The following MANBA variants were observed in gnomAD, a reference collection of about 807,000 sequenced individuals.
The protein encoded by MANBA is beta-mannosidase.
A neutral mutation model predicts 111.1 loss-of-function variants in MANBA; 83 were observed. That is an observed-to-expected ratio of 0.75 (90% CI 0.63 to 0.90). The LOEUF is 0.90. Ranked by LOEUF, MANBA falls within the 40% of genes least tolerant of loss-of-function variation. The probability of loss-of-function intolerance (pLI) is 0.00; values close to 1 mark genes in which losing one functional copy is unlikely to be tolerated. For missense variants in MANBA, 1,036 were observed against 1,069.0 expected (o/e 0.97, Z 0.43); for synonymous variants, 370 against 378.7 (o/e 0.98, Z 0.27).
intron 2 of MANBA, among the ~76,000 whole-genome samples, chr4:102,724,723 G>A (rs546078191): frequency 6.6e-6 from 1 of 152,318 alleles, no homozygotes; most frequent in Non-Finnish European, 1.5e-5. Context: ...TACTTAAGGA[G>A]TCTGCAATCT....
chr4:102,698,750 G>A (rs1230979048), intron 5 of MANBA, among the ~76,000 whole-genome samples: 1 of 151,360 alleles, frequency 6.6e-6, no homozygotes, highest in South Asian at 2.1e-4. Flanking sequence ...TGCTGTTTTG[G>A]TTACTGTAGC....
chr4:102,726,227 A>T (rs1468654206), intron 2 of MANBA, among the ~76,000 whole-genome samples: 1 of 152,154 alleles, frequency 6.6e-6, no homozygotes, highest in Non-Finnish European at 1.5e-5. Flanking sequence ...ACATTACTGA[A>T]AACAGTATCT....
chr4:102,672,758 A>G (rs1392897175), intron 8 of MANBA, among the ~76,000 whole-genome samples: 1 of 152,190 alleles, frequency 6.6e-6, no homozygotes, highest in Admixed American at 6.5e-5. Context: ...TGAACTGTGC[A>G]TGCGAAGGAT....
At chr4:102,651,390 C>A (rs1222449995) in intron 12 of MANBA, among the ~76,000 whole-genome samples, 3 of 151,728 alleles carry the variant, frequency 2.0e-5, no homozygotes, top group African/African-American at 7.3e-5. Context: ...TTGTCGTCAG[C>A]TCAAATTAAA....
intron 13 of MANBA, among the ~76,000 whole-genome samples, chr4:102,648,704 G>A (rs965339913): frequency 3.3e-5 from 5 of 152,058 alleles, no homozygotes; most frequent in Non-Finnish European, 5.9e-5. Flanking sequence ...CCCTTAAGAT[G>A]TGTGAATTTT....
intron 1 of MANBA, among the ~76,000 whole-genome samples, chr4:102,745,138 C>A (rs1001238199): frequency 1.3e-5 from 2 of 152,126 alleles, no homozygotes; most frequent in African/African-American, 4.8e-5. Flanking sequence ...CATTTTGGGT[C>A]CCTTGGTATC....
At chr4:102,727,120 G>A (rs955205617) in intron 1 of MANBA, 4 of 292,306 alleles carry the variant, frequency 1.4e-5, no homozygotes, top group Admixed American at 9.7e-5. Context: ...CTCTAAATGA[G>A]CAAAGTGGGA....
At chr4:102,726,139 T>C (rs1277335603) in intron 2 of MANBA, among the ~76,000 whole-genome samples, 1 of 152,168 alleles carries the variant, frequency 6.6e-6, no homozygotes, top group African/African-American at 2.4e-5. Context: ...GAAGGATTTT[T>C]TTTTTCATTT....
intron 9 of MANBA, among the ~76,000 whole-genome samples, chr4:102,670,258 T>C (rs982040179): frequency 6.6e-6 from 1 of 151,372 alleles, no homozygotes; most frequent in Non-Finnish European, 1.5e-5. Context: ...ATAAAATATA[T>C]AACCTCTTCA....
At chr4:102,639,880 C>T (rs1041301958) in intron 13 of MANBA, 23 bp from the exon 14 acceptor site, 2 of 1,613,380 alleles carry the variant, frequency 1.2e-6, no homozygotes, top group African/African-American at 2.7e-5. Context: ...AACATTCATA[C>T]ACAGGTGTTA....
intron 1 of MANBA, among the ~76,000 whole-genome samples, chr4:102,735,521 CAAA>C (rs35650118): frequency 2.6e-5 from 3 of 113,238 alleles, no homozygotes; most frequent in African/African-American, 3.0e-5. Context: ...GAGAAAATAC[CAAA>C]AAAAAAAAAA....
chr4:102,760,878 A>T lies in MANBA; in HGVS notation c.17T>A (p.Leu6His). The T allele has an allele frequency of 6.4e-7, 1 of 1,570,198 alleles. No individual in the cohort carries two copies. Among genetic ancestry groups the T allele is most frequent in the Non-Finnish European group, 8.6e-7 (1 of 1,160,028 alleles). Residue 6 changes from leucine (L) to histidine (H), a missense_variant, in exon 1 of 17, where the codon CTC (leucine) becomes CAC (histidine). Transcript: ENST00000647097. Reference protein sequence around the residue: MRLHLLLLLALCGAGT... With the variant: MRLHLHLLLALCGAGT... The stretch of plus-strand genomic sequence containing the variant: ...TGCACCGCACAGCGCGAGCAGCAGG[A>T]GCAGGTGGAGGCGCATCTTGAGATC...
At chr4:102,689,363 T>A (rs564532262) in intron 7 of MANBA, among the ~76,000 whole-genome samples, 884 of 86,924 alleles carry the variant, frequency 0.01, 10 homozygotes, top group African/African-American at 0.028. Flanking sequence ...AAAAAAAATA[T>A]ATATATATAT....
At chr4:102,678,031 G>A (rs1297078437) in intron 7 of MANBA, among the ~76,000 whole-genome samples, 3 of 152,134 alleles carry the variant, frequency 2.0e-5, no homozygotes, top group Admixed American at 6.5e-5. Flanking sequence ...ATGCAGTGCT[G>A]AGTCCAGAAA....
At chr4:102,760,089 T>TAC (rs35109830) in intron 1 of MANBA, among the ~76,000 whole-genome samples, 73,166 of 149,680 alleles carry the variant, frequency 0.49, 17,787 homozygotes, top group African/African-American at 0.56. Context: ...TCCATTGGGA[T>TAC]ACACACACAC....
At position 102,657,890 on chromosome 4, in the gene MANBA, C is replaced by T. The variant is rs769053832; in HGVS notation, c.1496G>A (p.Ser499Asn). 5 of 1,605,644 alleles carry T rather than the reference C, an allele frequency of 3.1e-6. No homozygotes were observed. The South Asian group carries it at 3.3e-5, about 11-fold the overall frequency. ...AGGACTGGACGTAATAAAAGGACGA[C>T]TCTTGTCTCCCTGAGTTCAGAAATA... ...IRELVLAGDK[S>N]RPFITSSPTN... Residue 499 changes from serine to asparagine, a missense_variant, in exon 12 of 17, where the codon AGT becomes AAT. Transcript: ENST00000647097.
At chr4:102,757,836 T>A (rs1014083506) in intron 1 of MANBA, among the ~76,000 whole-genome samples, 5 of 152,178 alleles carry the variant, frequency 3.3e-5, no homozygotes, top group Non-Finnish European at 7.3e-5. Flanking sequence ...AAAGCCAAAG[T>A]GTTTCCTATG....
intron 8 of MANBA, 45 bp from the exon 9 acceptor site, chr4:102,671,443 A>AC: frequency 8.4e-7 from 1 of 1,187,570 alleles, no homozygotes; most frequent in Non-Finnish European, 1.3e-6. Context: ...GGAAAAAAAA[A>AC]ACAGATTGTG....
intron 7 of MANBA, among the ~76,000 whole-genome samples, chr4:102,676,416 G>A (rs954277964): frequency 6.6e-6 from 1 of 152,026 alleles, no homozygotes; most frequent in Non-Finnish European, 1.5e-5. Context: ...ACCCCTGGCT[G>A]GAGAAGCACA....
Sources: allele counts gnomAD v4.1 joint callset (sites outside exome capture counted in the v4.1 genomes callset), GRCh38; gene constraint gnomAD v4.1.1; transcripts MANE v1.5; gene names NCBI Gene and HGNC (gene_info 2026-07-23, HGNC 2026-07-21).